Variants in CELA2B observed in about 807,000 individuals in gnomAD.
CELA2B encodes the protein chymotrypsin like elastase 2B.
A neutral mutation model predicts 36.5 loss-of-function variants in CELA2B; 27 were observed. That is an observed-to-expected ratio of 0.74 (90% CI 0.55 to 1.02). CELA2B has a LOEUF of 1.02. CELA2B is among the 50% of genes least tolerant of loss of function. CELA2B has a pLI of 0.00. For synonymous variants in CELA2B, 143 were observed against 148.5 expected (o/e 0.96, Z 0.27); for missense variants, 340 against 347.8 (o/e 0.98, Z 0.18).
In CELA2B at chr1:15,491,322, G is replaced by A. The variant is rs1394558893; in HGVS notation, c.*10G>A. ...GATTGCAAATAACTAACCAAAAGAA[G>A]TCCCTGGGACTGTTTCAGACTTGGA... On this transcript the variant is annotated 3_prime_UTR_variant, in exon 8 of 8. Transcript: ENST00000375910. 1.9e-6 allele frequency: 3 copies of A among 1,614,066 alleles called. No homozygotes were observed. Among genetic ancestry groups the A allele is most frequent in the South Asian group, 2.2e-5 (2 of 91,092 alleles).
At chr1:15,480,996 C>T (rs1402276217) in intron 2 of CELA2B, 102 bp from the exon 3 acceptor site, 2 of 1,279,640 alleles carry the variant, frequency 1.6e-6, no homozygotes, top group Admixed American at 1.8e-5. Flanking sequence ...AGGTGAGTGC[C>T]TCACTCCCCC....
chr1:15,482,046 G>A (rs570413115), intron 3 of CELA2B, among the ~76,000 whole-genome samples: 1 of 152,262 alleles, frequency 6.6e-6, no homozygotes, highest in East Asian at 1.9e-4. Context: ...ATTTTAAATT[G>A]TAGTTTATAG....
chr1:15,488,479 C>T (rs997477145), intron 7 of CELA2B, among the ~76,000 whole-genome samples: 3 of 152,148 alleles, frequency 2.0e-5, no homozygotes, highest in South Asian at 2.1e-4. Flanking sequence ...GAGGAAACCC[C>T]GTCACAAGAA....
chr1:15,487,117 G>A (rs565991502), intron 6 of CELA2B, among the ~76,000 whole-genome samples, 168 bp from the exon 7 acceptor site: 22 of 152,356 alleles, frequency 1.4e-4, no homozygotes, highest in African/African-American at 5.3e-4. Flanking sequence ...GGAAGAATAA[G>A]TGTTGGCTCT....
At chr1:15,490,865 C>CA (rs34648160) in intron 7 of CELA2B, 2,693 of 120,390 alleles carry the variant, frequency 0.022, 1 homozygote, top group South Asian at 0.051. Flanking sequence ...AAGACTGTCT[C>CA]AAAAAAAAAA....
At chr1:15,483,885 C>T (rs574292150) in intron 5 of CELA2B, among the ~76,000 whole-genome samples, 9 of 151,554 alleles carry the variant, frequency 5.9e-5, no homozygotes, top group Admixed American at 1.3e-4. Context: ...GCCAAGATTG[C>T]GCTGCTGCAC....
At chr1:15,489,047 C>A (rs992338483) in intron 7 of CELA2B, among the ~76,000 whole-genome samples, 2 of 152,216 alleles carry the variant, frequency 1.3e-5, no homozygotes, top group African/African-American at 4.8e-5. Flanking sequence ...GGAGGCACCA[C>A]GCACGTCAAA....
rs143931136 is a variant in CELA2B, at chr1:15,479,052, G to A, written c.130-2046G>A. ...CTTGTTCTTTTAGCTACACTTTGCT[G>A]GCCACAAATAATACGTATTACGTGG... On this transcript the variant is annotated intron_variant, in intron 2 of 7. Transcript: ENST00000375910. Among the ~76,000 whole-genome samples, 306 of 152,258 alleles carry A rather than the reference G, an allele frequency of 2.0e-3. 1 individual carries two copies. The highest frequency in any genetic ancestry group is 6.4e-3 in the African/African-American group (267 of 41,554).
At chr1:15,480,898 A>ATTTT (rs79727774) in intron 2 of CELA2B, among the ~76,000 whole-genome samples, 200 bp from the exon 3 acceptor site, 2 of 145,540 alleles carry the variant, frequency 1.4e-5, no homozygotes, top group African/African-American at 5.0e-5. Flanking sequence ...GCCTGGCCTG[A>ATTTT]TTTTTTTTTT....
chr1:15,483,408 G>C lies in CELA2B; in HGVS notation c.493+8G>C, dbSNP rs940334551. On this transcript the variant is annotated splice_region_variant and intron_variant, in intron 5 of 7. Coordinates refer to ENST00000375910, the MANE Select transcript of CELA2B (RefSeq NM_015849.3). ...GCTGGGGAAGGCTGCAGAGTAAGTG[G>C]GAGCCAGGAGCCCCCAGGCCTGGGA... 6.2e-7 allele frequency: 1 copy of C among 1,613,460 alleles called. No homozygotes were observed. Among genetic ancestry groups the C allele is most frequent in the Non-Finnish European group, 8.5e-7 (1 of 1,179,588 alleles).
chr1:15,479,991 A>G (rs1225865768), intron 2 of CELA2B, among the ~76,000 whole-genome samples: 3 of 152,102 alleles, frequency 2.0e-5, no homozygotes, highest in South Asian at 4.1e-4. Flanking sequence ...AAGTTTTGCA[A>G]ACTGTAAAGG....
In CELA2B at chr1:15,483,268, G is replaced by C. The variant is rs754897394; in HGVS notation, c.361G>C (p.Asp121His). ...TCCGCCTCCGCACTCACCCAGGAAC[G>C]ACATTGCCCTGCTCAAACTGGCTAA... Reference protein sequence around the residue: ...WNSDQVSKGNDIALLKLANPV... With the variant: ...WNSDQVSKGNHIALLKLANPV... Residue 121 changes from aspartate to histidine, a missense_variant, in exon 5 of 8, where the codon GAC (aspartate) becomes CAC (histidine). Coordinates refer to ENST00000375910, the MANE Select transcript of CELA2B (RefSeq NM_015849.3). The C allele has an allele frequency of 1.9e-6, 3 of 1,613,600 alleles. No homozygotes were observed. The highest frequency in any genetic ancestry group is 3.3e-5 in the Admixed American group (2 of 59,996).
In CELA2B at chr1:15,484,701, T is replaced by C. The variant is rs191801763; in HGVS notation, c.494-1200T>C. Among the ~76,000 whole-genome samples the C allele has an allele frequency of 9.2e-3, 1,395 of 152,252 alleles. 12 individuals carry two copies. Among genetic ancestry groups the C allele is most frequent in the Non-Finnish European group, 0.015 (1,032 of 68,020 alleles). On this transcript the variant is annotated intron_variant, in intron 5 of 7. Transcript: ENST00000375910. ...TGAGAGTGGGGAGGCCTCCAAATGCTTGGCTTTTCGGCCCAGCTCTGTCGG... is the reference window on the plus strand; with the variant it reads ...TGAGAGTGGGGAGGCCTCCAAATGCCTGGCTTTTCGGCCCAGCTCTGTCGG...
intron 2 of CELA2B, 151 bp downstream of exon 2, chr1:15,476,696 T>C (rs1349339070): frequency 1.4e-5 from 11 of 768,402 alleles, no homozygotes; most frequent in Non-Finnish European, 2.4e-5. Context: ...ACAAGATACA[T>C]TTCCAGCTGG....
At chr1:15,490,286 T>G (rs1708865530) in intron 7 of CELA2B, among the ~76,000 whole-genome samples, 1 of 152,082 alleles carries the variant, frequency 6.6e-6, no homozygotes, top group Admixed American at 6.5e-5. Context: ...ATAGACACTG[T>G]CTTCTAAGCA....
chr1:15,480,418 G>A lies in CELA2B; in HGVS notation c.130-680G>A, dbSNP rs142522468. ...TTCTGTAGAGACGGTGTATTAATCC[G>A]TTCTCACACTGCTAACAAAGACATA... On this transcript the variant is annotated intron_variant, in intron 2 of 7. Transcript: ENST00000375910. 5.8e-4 allele frequency among the ~76,000 whole-genome samples: 89 copies of A among 152,188 alleles called. 1 individual carries two copies. In the South Asian group the frequency reaches 0.01, roughly 18 times the overall value.
In CELA2B at chr1:15,491,330, G is replaced by T; in HGVS notation, c.*18G>T. 5 of 1,614,038 alleles carry T rather than the reference G, an allele frequency of 3.1e-6. No individual in the cohort carries two copies. The highest frequency in any genetic ancestry group is 4.2e-6 in the Non-Finnish European group (5 of 1,179,956). On this transcript the variant is annotated 3_prime_UTR_variant, in exon 8 of 8. Transcript: ENST00000375910. ...ATAACTAACCAAAAGAAGTCCCTGG[G>T]ACTGTTTCAGACTTGGAAAGGTCAC...
chr1:15,486,124 C>T, intron 6 of CELA2B, 78 bp downstream of exon 6: 1 of 1,537,840 alleles, frequency 6.5e-7, no homozygotes, highest in Non-Finnish European at 8.8e-7. Flanking sequence ...AAAACCATCC[C>T]TCCATAGGTC....
rs35501738 is a variant in CELA2B at position 15,487,775 on chromosome 1, GTA to G, written c.792+342_792+343del. Among the ~76,000 whole-genome samples, 215 of 152,308 alleles carry G rather than the reference GTA, an allele frequency of 1.4e-3. 1 individual carries two copies. The highest frequency in any genetic ancestry group is 5.2e-3 in the Admixed American group (79 of 15,292). ...CTCTACCATCCAGTGCTATAAATGG[GTA>G]TATGTCTGCAAAACCCAAAACCTGA... On this transcript the variant is annotated intron_variant, in intron 7 of 7. Coordinates refer to ENST00000375910, the MANE Select transcript of CELA2B (RefSeq NM_015849.3).
Sources: gnomAD v4.1 joint callset for allele counts (sites outside exome capture counted in the v4.1 genomes callset) on GRCh38, gnomAD v4.1.1 for gene constraint, MANE v1.5 for transcripts, NCBI Gene and HGNC (gene_info 2026-07-23, HGNC 2026-07-21) for gene names.